The following GEMIN5 variants were observed in gnomAD, a reference collection of about 807,000 sequenced individuals.
GEMIN5 encodes the protein gem nuclear organelle associated protein 5.
GEMIN5 carries 124 observed loss-of-function variants against 176.9 expected under a neutral mutation model. The ratio of observed to expected loss-of-function variants is 0.70; its 90% CI spans 0.61 to 0.81. The LOEUF is 0.81. Ranked by LOEUF, GEMIN5 falls within the 40% of genes least tolerant of loss-of-function variation. GEMIN5 has a pLI of 0.00. For synonymous variants in GEMIN5, 673 were observed against 665.2 expected (o/e 1.01, Z -0.18); for missense variants, 1,843 against 1,814.6 (o/e 1.02, Z -0.28).
At chr5:154,928,142 T>C (rs1764084615) in intron 6 of GEMIN5, among the ~76,000 whole-genome samples, 1 of 152,176 alleles carries the variant, frequency 6.6e-6, no homozygotes, top group African/African-American at 2.4e-5. Flanking sequence ...TAGAAGTAGG[T>C]AGTCAATGAA....
At chr5:154,900,848 GC>G (rs1417364076) in intron 21 of GEMIN5, among the ~76,000 whole-genome samples, 3 of 147,980 alleles carry the variant, frequency 2.0e-5, no homozygotes, top group African/African-American at 7.5e-5. Flanking sequence ...TTTGTTGAAT[GC>G]ATAAGGCATT....
In GEMIN5 at chr5:154,890,498, T is replaced by G. The variant is rs955338944; in HGVS notation, c.4262+743A>C. On this transcript the variant is annotated intron_variant, in intron 26 of 27. Coordinates refer to ENST00000285873, the MANE Select transcript of GEMIN5 (RefSeq NM_015465.5). ...TTTTTTTTTTTTTGTAGAGACAGGG[T>G]CTGTCAACCAGGCTGGTATGAGTGG... is the stretch of plus-strand genomic sequence containing the variant. 2.1e-5 allele frequency among the ~76,000 whole-genome samples: 3 copies of G among 145,592 alleles called. No homozygotes were observed. The Admixed American group carries it at 2.1e-4, about 10-fold the overall frequency.
chr5:154,905,496 G>T lies in GEMIN5; in HGVS notation c.2396-20C>A. 2 of 1,231,878 alleles carry T rather than the reference G, an allele frequency of 1.6e-6. No homozygotes were observed. The highest frequency in any genetic ancestry group is 2.3e-6 in the Non-Finnish European group (2 of 865,504). The allele number at this position is 1,231,878 out of a possible 1,614,324, so 76.3% of individuals were successfully genotyped here. On this transcript the variant is annotated intron_variant, in intron 16 of 27. Coordinates refer to ENST00000285873, the MANE Select transcript of GEMIN5 (RefSeq NM_015465.5). ...TAGAAACTACATCATGGGGGAAAAA[G>T]GAAAAAAAAAGTTAAGGATAACAAT...
At chr5:154,925,547 AT>A (rs565252224) in intron 8 of GEMIN5, among the ~76,000 whole-genome samples, 71 of 152,302 alleles carry the variant, frequency 4.7e-4, no homozygotes, top group African/African-American at 1.6e-3. Flanking sequence ...CTACATTATC[AT>A]TTTCAATAAT....
chr5:154,937,986 C>T lies in GEMIN5; in HGVS notation c.148G>A (p.Gly50Arg). 2 of 1,574,638 alleles carry T rather than the reference C, an allele frequency of 1.3e-6. No homozygotes were observed. The highest frequency in any genetic ancestry group is 1.7e-6 in the Non-Finnish European group (2 of 1,162,684). The change falls in exon 1 of 28, where the codon GGG becomes AGG. Residue 50 changes from glycine to arginine, a missense_variant. Physicochemically the swap from Gly to Arg is moderately radical, Grantham distance 125 (BLOSUM62 -2). Transcript: ENST00000285873. ...RVGPGAGESP[G>R]TPPFRVIGEL... The stretch of plus-strand genomic sequence containing the variant: ...GAGTTACCTCGAAACGGGGGTGTCC[C>T]TGGACTCTCGCCTGCGCCCGGGCCC...
chr5:154,898,475 C>A lies in GEMIN5; in HGVS notation c.3310G>T (p.Ala1104Ser), dbSNP rs146397981. The A allele has an allele frequency of 8.1e-6, 13 of 1,614,022 alleles. No individual in the cohort carries two copies. Among genetic ancestry groups the A allele is most frequent in the Admixed American group, 1.7e-5 (1 of 59,998 alleles). Residue 1104 changes from alanine to serine, a missense_variant, in exon 23 of 28, where the codon GCC becomes TCC. Ala to Ser is a moderately conservative substitution (Grantham distance 99). Transcript: ENST00000285873. Reference protein sequence around the residue: ...ELLLANNWVGAQEALQLHESL... With the variant: ...ELLLANNWVGSQEALQLHESL... ...TCATGCAGCTGCAGGGCTTCCTGGGCTCCCACCCAGTTGTTGGCCAGAAGC... is the reference window on the plus strand; with the variant it reads ...TCATGCAGCTGCAGGGCTTCCTGGGATCCCACCCAGTTGTTGGCCAGAAGC...
At position 154,898,504 on chromosome 5, in the gene GEMIN5, T is replaced by C; in HGVS notation, c.3281A>G (p.Glu1094Gly). The part of the protein sequence containing the change: ...SASLALRCAQ[E>G]LLLANNWVGA... ...CACCCAGTTGTTGGCCAGAAGCAGC[T>C]CTTGGGCACATCTGAGAGCCAGGGA... Residue 1094 changes from glutamate (E) to glycine (G), a missense_variant, in exon 23 of 28, where the codon GAG becomes GGG. By Grantham distance (98) the Glu-to-Gly change is moderately conservative. Coordinates refer to ENST00000285873, the MANE Select transcript of GEMIN5 (RefSeq NM_015465.5). 1 of 1,614,208 alleles carries C rather than the reference T, an allele frequency of 6.2e-7. No homozygotes were observed. The highest frequency in any genetic ancestry group is 8.5e-7 in the Non-Finnish European group (1 of 1,180,030).
chr5:154,918,216 C>G (rs1009805967), intron 11 of GEMIN5, among the ~76,000 whole-genome samples: 3 of 152,096 alleles, frequency 2.0e-5, no homozygotes, highest in Non-Finnish European at 4.4e-5. Context: ...AACAAAAAAA[C>G]CCCCAAGGCC....
At chr5:154,921,264 C>T in intron 10 of GEMIN5, 79 bp downstream of exon 10, 1 of 789,298 alleles carries the variant, frequency 1.3e-6, no homozygotes, top group East Asian at 2.5e-5. Context: ...ATTTATGACT[C>T]TTTCCATCTT....
rs112145889 is a variant in GEMIN5, at chr5:154,920,219, A to C, written c.1463-116T>G. On this transcript the variant is annotated intron_variant, in intron 10 of 27. Coordinates refer to ENST00000285873, the MANE Select transcript of GEMIN5 (RefSeq NM_015465.5). ...TTGTTTTAAAAGAACTATATATTTG[A>C]AACATTCTAATACATTGGAATAAAA... The C allele has an allele frequency of 1.4e-4, 98 of 690,836 alleles. No individual in the cohort carries two copies. In the African/African-American group the frequency reaches 1.6e-3, roughly 11 times the overall value. 42.8% of individuals were successfully genotyped at this position (690,836 alleles called of 1,614,324 possible). A position where few individuals can be genotyped will look rare whatever the true frequency, so the allele number is the denominator to read the frequency against.
chr5:154,895,106 A>T (rs974295370), intron 24 of GEMIN5, among the ~76,000 whole-genome samples: 3 of 152,166 alleles, frequency 2.0e-5, no homozygotes, highest in Non-Finnish European at 4.4e-5. Context: ...AAAGGAAAAA[A>T]GAAAAGAAAA....
chr5:154,928,398 A>C, intron 6 of GEMIN5, 129 bp downstream of exon 6: 1 of 783,592 alleles, frequency 1.3e-6, no homozygotes. Flanking sequence ...CATTAGTCTC[A>C]TAATTTTTCC....
At chr5:154,907,911 T>C in intron 15 of GEMIN5, 93 bp from the exon 16 acceptor site, 2 of 813,500 alleles carry the variant, frequency 2.5e-6, no homozygotes. Flanking sequence ...TCCTCTTTAA[T>C]AGCATTTTTA....
chr5:154,901,653 G>A (rs561569012), intron 20 of GEMIN5, among the ~76,000 whole-genome samples, 167 bp from the exon 21 acceptor site: 4 of 152,288 alleles, frequency 2.6e-5, no homozygotes, highest in African/African-American at 9.6e-5. Flanking sequence ...TACACATTCT[G>A]AAGCATCAAT....
At position 154,912,991 on chromosome 5, in the gene GEMIN5, G is replaced by T; in HGVS notation, c.1903C>A (p.Leu635Ile). 1 of 1,613,820 alleles carries T rather than the reference G, an allele frequency of 6.2e-7. No homozygotes were observed. The highest frequency in any genetic ancestry group is 8.5e-7 in the Non-Finnish European group (1 of 1,179,720). The change falls in exon 14 of 28, where the codon CTC becomes ATC. Residue 635 changes from leucine to isoleucine, a missense_variant. Physicochemically the swap from Leu to Ile is conservative, Grantham distance 5 (BLOSUM62 2). Transcript: ENST00000285873. ...GTAATCTTGGCCGTATGCCCTGAGA[G>T]GGTCCGGTAGGGCTCTGTAATGGTC... ...PVTITEPYRT[L>I]SGHTAKITSV...
chr5:154,916,884 G>T (rs1408876997), intron 13 of GEMIN5, 114 bp downstream of exon 13: 2 of 537,346 alleles, frequency 3.7e-6, no homozygotes, highest in African/African-American at 2.0e-5. Context: ...AAAGTAGTAA[G>T]AATAATACTT....
chr5:154,904,649 A>G lies in GEMIN5; in HGVS notation c.2510-20T>C, dbSNP rs1309635370. 6.3e-7 allele frequency: 1 copy of G among 1,593,114 alleles called. No individual in the cohort carries two copies. The highest frequency in any genetic ancestry group is 8.6e-7 in the Non-Finnish European group (1 of 1,161,384). On this transcript the variant is annotated intron_variant, in intron 17 of 27. Coordinates refer to ENST00000285873, the MANE Select transcript of GEMIN5 (RefSeq NM_015465.5). Reference sequence around the variant, plus strand: ...AGGTTTCTGAAATTTAATAAAGTACATACTATCTGAAGGAGAACTGATCAG... The same window carrying G: ...AGGTTTCTGAAATTTAATAAAGTACGTACTATCTGAAGGAGAACTGATCAG...
At chr5:154,897,451 A>G (rs1004818739) in intron 23 of GEMIN5, among the ~76,000 whole-genome samples, 2 of 152,208 alleles carry the variant, frequency 1.3e-5, no homozygotes, top group African/African-American at 4.8e-5. Flanking sequence ...AGATGGGAAC[A>G]AAAAAATTTA....
At chr5:154,892,724 T>A (rs1418284025) in intron 24 of GEMIN5, 175 bp from the exon 25 acceptor site, 7 of 599,454 alleles carry the variant, frequency 1.2e-5, no homozygotes, top group Admixed American at 2.9e-5. Context: ...CTCTCATGTC[T>A]AGTTGCACAG....
Sources: gnomAD v4.1 joint callset for allele counts (sites outside exome capture counted in the v4.1 genomes callset) on GRCh38, gnomAD v4.1.1 for gene constraint, MANE v1.5 for transcripts, NCBI Gene and HGNC (gene_info 2026-07-23, HGNC 2026-07-21) for gene names.